Variants in SHISA9 observed in about 807,000 individuals in gnomAD.
SHISA9 encodes shisa family member 9, also known as protein shisa-9.
In SHISA9, 13 loss-of-function variants were observed where a neutral mutation model predicts 38.0. The observed-to-expected ratio is 0.34, with a 90% CI of 0.22 to 0.54. The LOEUF is 0.54. Among genes scored for constraint, SHISA9 ranks in the 20% least tolerant of loss-of-function variants. The pLI, the probability that SHISA9 is intolerant of heterozygous loss-of-function variation, is 0.91. For missense variants in SHISA9, 538 were observed against 575.8 expected, an observed-to-expected ratio of 0.93 and a Z score of 0.67; for synonymous variants, 275 against 242.0, an observed-to-expected ratio of 1.14 and a Z score of -1.27.
intron 2 of SHISA9, among the ~76,000 whole-genome samples, chr16:13,122,190 G>T (rs2050217967): frequency 6.6e-6 from 1 of 152,150 alleles, no homozygotes; most frequent in Non-Finnish European, 1.5e-5. Context: ...GGCTTTGAGA[G>T]TAAGAAATCC....
chr16:13,414,330 A>G, the SHISA9 span, among the ~76,000 whole-genome samples: 1 of 152,176 alleles, frequency 6.6e-6, no homozygotes, highest in African/African-American at 2.4e-5. Flanking sequence ...AAAAATTACT[A>G]CCTTGACCTA....
intron 2 of SHISA9, 123 bp downstream of exon 2, chr16:12,916,938 T>C: frequency 8.9e-7 from 1 of 1,122,498 alleles, no homozygotes; most frequent in Non-Finnish European, 1.2e-6. Flanking sequence ...GTTAGAAGCT[T>C]TCTTTCATGT....
At chr16:13,480,532 C>A in the SHISA9 span, among the ~76,000 whole-genome samples, 2 of 152,144 alleles carry the variant, frequency 1.3e-5, no homozygotes, top group Admixed American at 6.5e-5. Flanking sequence ...TATCTCAGAA[C>A]AATTGGTCAG....
chr16:13,169,128 C>T (rs1279581690), intron 2 of SHISA9, among the ~76,000 whole-genome samples: 1 of 152,170 alleles, frequency 6.6e-6, no homozygotes, highest in Admixed American at 6.5e-5. Flanking sequence ...AATACCCGCC[C>T]CTGGGTTTGG....
At chr16:13,197,204 A>G (rs2050955241) in intron 2 of SHISA9, among the ~76,000 whole-genome samples, 2 of 151,784 alleles carry the variant, frequency 1.3e-5, no homozygotes, top group African/African-American at 4.8e-5. Flanking sequence ...CTCTTTTCCT[A>G]CTGTCTGGAA....
intron 2 of SHISA9, among the ~76,000 whole-genome samples, chr16:13,101,036 A>T (rs2073874199): frequency 1.3e-5 from 2 of 152,176 alleles, no homozygotes; most frequent in South Asian, 4.1e-4. Context: ...GGTGGAATTC[A>T]TGCAACGTTT....
intron 2 of SHISA9, among the ~76,000 whole-genome samples, chr16:12,927,387 A>G (rs1379585817): frequency 6.6e-6 from 1 of 152,076 alleles, no homozygotes; most frequent in Non-Finnish European, 1.5e-5. Flanking sequence ...ATCTCAAAGC[A>G]TAGCTGTTTT....
At chr16:13,371,412 C>G in the SHISA9 span, among the ~76,000 whole-genome samples, 1 of 152,166 alleles carries the variant, frequency 6.6e-6, no homozygotes, top group African/African-American at 2.4e-5. Flanking sequence ...GACATCATCT[C>G]TATGCTTCAT....
At chr16:13,343,788 T>C in the SHISA9 span, among the ~76,000 whole-genome samples, 2 of 152,122 alleles carry the variant, frequency 1.3e-5, no homozygotes, top group African/African-American at 2.4e-5. Context: ...GGCATCATGA[T>C]CTTTAATTAG....
intron 2 of SHISA9, among the ~76,000 whole-genome samples, chr16:12,975,656 C>G (rs12935522): frequency 0.019 from 2,091 of 109,136 alleles, 56 homozygotes; most frequent in East Asian, 0.061. Context: ...GGGACGGGGG[C>G]GGGGGGGGTA....
intron 2 of SHISA9, among the ~76,000 whole-genome samples, chr16:13,030,057 G>A (rs1467489732): frequency 6.6e-6 from 1 of 152,160 alleles, no homozygotes; most frequent in Non-Finnish European, 1.5e-5. Context: ...CATAGTGCCT[G>A]GTACACAGTA....
At chr16:12,924,721 G>A (rs949742658) in intron 2 of SHISA9, among the ~76,000 whole-genome samples, 2 of 152,146 alleles carry the variant, frequency 1.3e-5, no homozygotes, top group Admixed American at 6.5e-5. Flanking sequence ...TTTCTCTTGA[G>A]GTATGGTATT....
chr16:13,347,333 A>G, the SHISA9 span, among the ~76,000 whole-genome samples: 51 of 152,314 alleles, frequency 3.3e-4, no homozygotes, highest in Admixed American at 2.9e-3. Flanking sequence ...TAAAGGCTGC[A>G]TACCTCGTTT....
intron 3 of SHISA9, 28 bp from the exon 4 acceptor site, chr16:13,213,225 C>T (rs1227553506): frequency 6.5e-7 from 1 of 1,550,132 alleles, no homozygotes; most frequent in South Asian, 1.2e-5. Context: ...AACAGATCAT[C>T]AGCATTTCTT....
intron 4 of SHISA9, 132 bp downstream of exon 4, chr16:13,213,432 G>C: frequency 4.0e-6 from 3 of 742,234 alleles, no homozygotes; most frequent in Non-Finnish European, 6.8e-6. Context: ...GCATCTGCAA[G>C]TCCGTCTAAG....
rs1339457016 is a variant in SHISA9 at position 13,092,264 on chromosome 16, G to T, written c.692-111130G>T. Among the ~76,000 whole-genome samples the T allele has an allele frequency of 3.3e-5, 5 of 152,338 alleles. No individual in the cohort carries two copies. The East Asian group carries it at 7.7e-4, about 24-fold the overall frequency. On this transcript the variant is annotated intron_variant, in intron 2 of 4. Transcript: ENST00000558583. Reference sequence around the variant, plus strand: ...CCTGCTGGGAGGTGTCTCCCAGTTAGGCTACATGGGAGTCGGGGACCCACT... The same window carrying T: ...CCTGCTGGGAGGTGTCTCCCAGTTATGCTACATGGGAGTCGGGGACCCACT...
the SHISA9 span, among the ~76,000 whole-genome samples, chr16:13,251,721 G>A: frequency 6.6e-6 from 1 of 151,874 alleles, no homozygotes; most frequent in East Asian, 1.9e-4. Context: ...TTTTCTTTAG[G>A]ATACTTTCCA....
At chr16:12,986,064 CCTTT>C (rs2072304236) in intron 2 of SHISA9, among the ~76,000 whole-genome samples, 1 of 152,134 alleles carries the variant, frequency 6.6e-6, no homozygotes, top group Non-Finnish European at 1.5e-5. Context: ...GGGCTTCCTT[CCTTT>C]CTATGTGCTG....
chr16:13,370,983 A>T, the SHISA9 span, among the ~76,000 whole-genome samples: 1 of 152,230 alleles, frequency 6.6e-6, no homozygotes, highest in Non-Finnish European at 1.5e-5. Context: ...AATAAATTTG[A>T]ATTCCAGCAA....
Sources: allele counts gnomAD v4.1 joint callset (sites outside exome capture counted in the v4.1 genomes callset), GRCh38; gene constraint gnomAD v4.1.1; transcripts MANE v1.5; gene names NCBI Gene and HGNC (gene_info 2026-07-23, HGNC 2026-07-21).